AGR3: variants seen among roughly 807,000 people sequenced by gnomAD.
AGR3 encodes the protein anterior gradient 3, protein disulphide isomerase family member, also known as anterior gradient protein 3.
A neutral mutation model predicts 24.5 loss-of-function variants in AGR3; 37 were observed. That is an observed-to-expected ratio of 1.51 (90% CI 1.16 to 1.99). The LOEUF is 1.99. AGR3 is among the 30% of genes most tolerant of loss of function. The probability of loss-of-function intolerance (pLI) is 0.00; values close to 1 mark genes in which losing one functional copy is unlikely to be tolerated. For missense variants in AGR3, 228 were observed against 191.1 expected (o/e 1.19, Z -1.14); for synonymous variants, 75 against 61.6 (o/e 1.22, Z -1.02).
intron 4 of AGR3, 90 bp from the exon 5 acceptor site, chr7:16,862,150 G>A: frequency 1.0e-6 from 1 of 999,042 alleles, no homozygotes; most frequent in Non-Finnish European, 1.6e-6. Flanking sequence ...TTTAGCATTT[G>A]TTTGCATATA....
At chr7:16,869,673 G>GT (rs71007797) in intron 3 of AGR3, among the ~76,000 whole-genome samples, 186 of 125,876 alleles carry the variant, frequency 1.5e-3, no homozygotes, top group African/African-American at 5.2e-3. Flanking sequence ...TTGTGAGTTT[G>GT]TTTTTTTTTT....
chr7:16,859,783 T>C (rs1463839148), intron 7 of AGR3, 152 bp from the exon 8 acceptor site: 2 of 526,760 alleles, frequency 3.8e-6, no homozygotes, highest in Non-Finnish European at 6.6e-6. Context: ...GCTAAAAGTG[T>C]ACATGTAAAT....
At position 16,873,816 on chromosome 7, in the gene AGR3, T is replaced by G. The variant is rs761683659; in HGVS notation, c.137A>C (p.Gln46Pro). Residue 46 changes from glutamine (Q) to proline (P), a missense_variant, in exon 3 of 8, where the codon CAA (glutamine) becomes CCA (proline). By Grantham distance (76) the Gln-to-Pro change is moderately conservative. Transcript: ENST00000310398. ...ATAAAAGAGACCTTCTTCATAAGTT[T>G]GTACCCAAGTGATGTCATCTCCCCA... is the stretch of plus-strand genomic sequence containing the variant. Reference protein sequence around the residue: ...RGWGDDITWVQTYEEGLFYAQ... With the variant: ...RGWGDDITWVPTYEEGLFYAQ... 3 of 1,613,238 alleles carry G rather than the reference T, an allele frequency of 1.9e-6. No homozygotes were observed. The highest frequency in any genetic ancestry group is 2.2e-5 in the South Asian group (2 of 91,050).
At chr7:16,868,023 A>T (rs1781790747) in intron 3 of AGR3, among the ~76,000 whole-genome samples, 1 of 152,158 alleles carries the variant, frequency 6.6e-6, no homozygotes, top group Non-Finnish European at 1.5e-5. Context: ...TCTTGCCAAC[A>T]CTTGCTATTA....
rs1781712906 is a variant in AGR3, at chr7:16,864,527, T to G, written c.174-1865A>C. ...TCAGTCAGGGCTTCCATTTTCAGTC[T>G]TCCGAAGTGTTGCTTCAGAGGGAGC... On this transcript the variant is annotated intron_variant, in intron 3 of 7. Coordinates refer to ENST00000310398, the MANE Select transcript of AGR3 (RefSeq NM_176813.5). 2 of 1,299,556 alleles carry G rather than the reference T, an allele frequency of 1.5e-6. 1 individual carries two copies. The highest frequency in any genetic ancestry group is 2.4e-5 in the South Asian group (2 of 84,624). The allele number at this position is 1,299,556 out of a possible 1,614,324, so 80.5% of individuals were successfully genotyped here. A position where few individuals can be genotyped will look rare whatever the true frequency, so the allele number is the denominator to read the frequency against.
In AGR3 at chr7:16,862,665, A is replaced by G; in HGVS notation, c.174-3T>C. On this transcript the variant is annotated splice_region_variant and splice_polypyrimidine_tract_variant and intron_variant, in intron 3 of 7. Coordinates refer to ENST00000310398, the MANE Select transcript of AGR3 (RefSeq NM_176813.5). ...GAATAACCATTAATGGCTTCTTACT[A>G]AACAAAGAAAGTATGGAATTAAGTC... 6.5e-7 allele frequency: 1 copy of G among 1,544,100 alleles called. No homozygotes were observed. Among genetic ancestry groups the G allele is most frequent in the Non-Finnish European group, 8.7e-7 (1 of 1,151,302 alleles).
intron 2 of AGR3, among the ~76,000 whole-genome samples, chr7:16,876,865 G>C (rs10270052): frequency 2.6e-5 from 4 of 152,050 alleles, no homozygotes; most frequent in African/African-American, 9.7e-5. Flanking sequence ...ATGCCTTGAC[G>C]TATAGTTATC....
In AGR3 at chr7:16,871,617, C is replaced by T. The variant is rs372901084; in HGVS notation, c.173+2163G>A. 3.3e-5 allele frequency among the ~76,000 whole-genome samples: 5 copies of T among 152,034 alleles called. No individual in the cohort carries two copies. In the East Asian group the frequency reaches 7.7e-4, roughly 23 times the overall value. ...CAGCACTTTGGGAGGTTGAGGTGGA[C>T]GTATCACCTGAGATCAAGAGTTCGA... On this transcript the variant is annotated intron_variant, in intron 3 of 7. Coordinates refer to ENST00000310398, the MANE Select transcript of AGR3 (RefSeq NM_176813.5).
intron 5 of AGR3, among the ~76,000 whole-genome samples, chr7:16,861,731 T>A (rs1406009462): frequency 6.0e-5 from 9 of 151,172 alleles, no homozygotes; most frequent in African/African-American, 2.2e-4. Context: ...TGAAACCCTG[T>A]CTCTACTAAA....
chr7:16,878,469 C>T, intron 2 of AGR3, 41 bp downstream of exon 2: 1 of 1,552,800 alleles, frequency 6.4e-7, no homozygotes, highest in Non-Finnish European at 8.9e-7. Flanking sequence ...AAAAAGCAAT[C>T]CAAATGACTG....
At chr7:16,860,429 C>T (rs773011482) in intron 7 of AGR3, 71 bp downstream of exon 7, 2 of 1,147,656 alleles carry the variant, frequency 1.7e-6, no homozygotes, top group South Asian at 2.5e-5. Context: ...TGATGTAGGG[C>T]TTCACTAGCC....
intron 3 of AGR3, among the ~76,000 whole-genome samples, chr7:16,872,195 G>C (rs1781878797): frequency 6.6e-6 from 1 of 152,100 alleles, no homozygotes; most frequent in Non-Finnish European, 1.5e-5. Flanking sequence ...CATACTACTT[G>C]ACTTCAAAAT....
chr7:16,881,274 T>C (rs1057232830), intron 1 of AGR3, among the ~76,000 whole-genome samples: 1 of 152,200 alleles, frequency 6.6e-6, no homozygotes, highest in African/African-American at 2.4e-5. Context: ...ACTTTCTAAT[T>C]AAAAAATAAA....
chr7:16,880,487 C>CCTTTCCCCTCCT (rs373322409), intron 1 of AGR3, among the ~76,000 whole-genome samples: 18 of 50,244 alleles, frequency 3.6e-4, no homozygotes, highest in South Asian at 6.8e-4. Context: ...CCTTTCCCCT[C>CCTTTCCCCTCCT]CTTTCCCCTC....
At chr7:16,876,523 C>A (rs960524492) in intron 2 of AGR3, among the ~76,000 whole-genome samples, 3 of 151,976 alleles carry the variant, frequency 2.0e-5, no homozygotes, top group African/African-American at 7.2e-5. Flanking sequence ...CTGCCCTGTG[C>A]TCTAAGGGGC....
At chr7:16,856,553 C>G (rs1433525121), downstream of AGR3, among the ~76,000 whole-genome samples, 1 of 152,150 alleles carries the variant, frequency 6.6e-6, no homozygotes, top group Non-Finnish European at 1.5e-5. Flanking sequence ...ATGTCCTGTA[C>G]TTTATGTGGC....
In AGR3 at chr7:16,861,974, G is replaced by A; in HGVS notation, c.303+10C>T. 2 of 1,592,166 alleles carry A rather than the reference G, an allele frequency of 1.3e-6. No individual in the cohort carries two copies. Among genetic ancestry groups the A allele is most frequent in the Non-Finnish European group, 1.7e-6 (2 of 1,164,734 alleles). On this transcript the variant is annotated intron_variant, in intron 5 of 7. Coordinates refer to ENST00000310398, the MANE Select transcript of AGR3 (RefSeq NM_176813.5). ...TATAGTATTAAGAAAACATCACAAA[G>A]TTTATGTACCATAAGGTTTAGCATG...
intron 5 of AGR3, 28 bp from the exon 6 acceptor site, chr7:16,861,475 T>C (rs767259690): frequency 8.3e-6 from 13 of 1,565,116 alleles, no homozygotes; most frequent in South Asian, 2.3e-5. Context: ...AAAAAGAATG[T>C]TATTGGATTC....
At chr7:16,867,252 C>T (rs968452221) in intron 3 of AGR3, among the ~76,000 whole-genome samples, 2 of 152,094 alleles carry the variant, frequency 1.3e-5, no homozygotes, top group African/African-American at 4.8e-5. Flanking sequence ...TGACTATCAA[C>T]TTCTGACACT....
Sources: allele counts gnomAD v4.1 joint callset (sites outside exome capture counted in the v4.1 genomes callset), GRCh38; gene constraint gnomAD v4.1.1; transcripts MANE v1.5; gene names NCBI Gene and HGNC (gene_info 2026-07-23, HGNC 2026-07-21).